Variants in USP34 observed in about 807,000 individuals in gnomAD.
The protein encoded by USP34 is ubiquitin specific peptidase 34.
USP34 carries 70 observed loss-of-function variants against 460.3 expected under a neutral mutation model. The observed-to-expected ratio is 0.15, with a 90% confidence interval of 0.13 to 0.19. The LOEUF is 0.19. USP34 is among the 10% of genes least tolerant of loss of function. The pLI, the probability that USP34 is intolerant of heterozygous loss-of-function variation, is 1.00. For synonymous variants in USP34, 1,647 were observed against 1,405.3 expected, an observed-to-expected ratio of 1.17 and a Z score of -3.85; for missense variants, 3,985 against 4,236.2, an observed-to-expected ratio of 0.94 and a Z score of 1.65.
chr2:61,242,085 A>G (rs912994082), intron 51 of USP34, among the ~76,000 whole-genome samples: 1 of 152,152 alleles, frequency 6.6e-6, no homozygotes, highest in South Asian at 2.1e-4. Flanking sequence ...TACTATAACA[A>G]AAGAAAACAA....
At chr2:61,432,888 C>A (rs1234060928) in intron 1 of USP34, among the ~76,000 whole-genome samples, 1 of 151,988 alleles carries the variant, frequency 6.6e-6, no homozygotes, top group African/African-American at 2.4e-5. Context: ...GACCACATAC[C>A]ACATAGCCAG....
intron 1 of USP34, among the ~76,000 whole-genome samples, chr2:61,425,871 C>G (rs1164995169): frequency 6.6e-6 from 1 of 151,932 alleles, no homozygotes; most frequent in Non-Finnish European, 1.5e-5. Context: ...AAGAAAGATG[C>G]CTTCCTTCTG....
intron 62 of USP34, among the ~76,000 whole-genome samples, chr2:61,225,307 T>G (rs996481571): frequency 6.6e-6 from 1 of 152,174 alleles, no homozygotes; most frequent in African/African-American, 2.4e-5. Context: ...ACATTAATAC[T>G]TTCAGAATAA....
intron 1 of USP34, among the ~76,000 whole-genome samples, chr2:61,437,043 G>T (rs905463795): frequency 6.6e-6 from 1 of 152,136 alleles, no homozygotes; most frequent in African/African-American, 2.4e-5. Flanking sequence ...CAGCAAAAGC[G>T]GTGCACTGCT....
chr2:61,389,606 A>T (rs1282416454), intron 5 of USP34, among the ~76,000 whole-genome samples: 3 of 152,212 alleles, frequency 2.0e-5, no homozygotes, highest in African/African-American at 7.2e-5. Flanking sequence ...ATTACATACT[A>T]TGCAACAGAG....
chr2:61,440,808 A>C (rs1348074128), intron 1 of USP34, among the ~76,000 whole-genome samples: 1 of 150,588 alleles, frequency 6.6e-6, no homozygotes, highest in Non-Finnish European at 1.5e-5. Context: ...GTAAGGCACC[A>C]CACCCGGCCT....
intron 34 of USP34, among the ~76,000 whole-genome samples, chr2:61,285,373 T>C (rs1165400141): frequency 1.3e-5 from 2 of 151,286 alleles, no homozygotes; most frequent in African/African-American, 4.9e-5. Flanking sequence ...TACAGTCCCA[T>C]CTACTTTGGA....
chr2:61,264,558 T>C lies in USP34; in HGVS notation c.5778+839A>G, dbSNP rs371258898. On this transcript the variant is annotated intron_variant, in intron 43 of 79. Coordinates refer to ENST00000398571, the MANE Select transcript of USP34 (RefSeq NM_014709.4). ...CAGGAGGCTGAGGTGGGAGGATCAC[T>C]TGAGCCCAGGAGGTCAACACTGCAG... Among the ~76,000 whole-genome samples, 20 of 152,262 alleles carry C rather than the reference T, an allele frequency of 1.3e-4. No homozygotes were observed. In the East Asian group the frequency reaches 2.5e-3, roughly 19 times the overall value.
At chr2:61,371,913 G>A (rs1036004636) in intron 8 of USP34, among the ~76,000 whole-genome samples, 2 of 152,110 alleles carry the variant, frequency 1.3e-5, no homozygotes, top group Non-Finnish European at 2.9e-5. Context: ...ATTAAGTACA[G>A]TAAGATGCTG....
intron 2 of USP34, among the ~76,000 whole-genome samples, chr2:61,410,703 C>T (rs2103947403): frequency 1.3e-5 from 2 of 152,172 alleles, no homozygotes; most frequent in South Asian, 2.1e-4. Flanking sequence ...TACAAATATA[C>T]TAAAGAACAC....
intron 40 of USP34, 29 bp from the exon 41 acceptor site, chr2:61,278,314 G>T (rs987261512): frequency 2.5e-6 from 4 of 1,610,964 alleles, no homozygotes; most frequent in Admixed American, 3.4e-5. Context: ...ATACACACAA[G>T]CAAGATAGTT....
intron 10 of USP34, among the ~76,000 whole-genome samples, chr2:61,365,256 TACACACACACACACACAC>T (rs34689463): frequency 3.5e-5 from 5 of 142,346 alleles, no homozygotes; most frequent in African/African-American, 5.3e-5. Context: ...CATTTCAAAA[TACACACACACACACACAC>T]ACACACACAC....
At position 61,311,671 on chromosome 2, in the gene USP34, T is replaced by A. The variant is rs953643335; in HGVS notation, c.3686A>T (p.Tyr1229Phe). ...GLPDKMTIEM[Y>F]PSDQVADLRA... ...AAGATCTGCTACCTGGTCACTAGGA[T>A]ACATTTCAATAGTCATCTGAAATAT... The change falls in exon 27 of 80, where the codon TAT becomes TTT. Residue 1229 changes from tyrosine (Y) to phenylalanine (F), a missense_variant. Tyr to Phe is a conservative substitution (Grantham distance 22). Coordinates refer to ENST00000398571, the MANE Select transcript of USP34 (RefSeq NM_014709.4). The A allele has an allele frequency of 5.0e-6, 8 of 1,612,056 alleles. No homozygotes were observed. The highest frequency in any genetic ancestry group is 6.8e-6 in the Non-Finnish European group (8 of 1,179,470).
At chr2:61,304,540 T>C (rs1690341820) in intron 27 of USP34, among the ~76,000 whole-genome samples, 1 of 152,192 alleles carries the variant, frequency 6.6e-6, no homozygotes, top group African/African-American at 2.4e-5. Flanking sequence ...CCTCCATCAA[T>C]GGGAGTGGTG....
intron 27 of USP34, 104 bp from the exon 28 acceptor site, chr2:61,301,558 T>A: frequency 2.0e-6 from 2 of 983,130 alleles, no homozygotes; most frequent in Non-Finnish European, 3.0e-6. Flanking sequence ...ATGTTAAGTT[T>A]AAATGTAATC....
intron 48 of USP34, among the ~76,000 whole-genome samples, chr2:61,251,608 T>G (rs72811478): frequency 0.062 from 9,366 of 152,280 alleles, 388 homozygotes; most frequent in Non-Finnish European, 0.084. Flanking sequence ...CTGCTCAGTA[T>G]CTTTTTACTC....
intron 1 of USP34, among the ~76,000 whole-genome samples, chr2:61,439,982 G>A (rs1694920075): frequency 6.6e-6 from 1 of 152,160 alleles, no homozygotes; most frequent in Non-Finnish European, 1.5e-5. Flanking sequence ...GCCTAGTGCA[G>A]GGACCACAGG....
At chr2:61,459,170 G>A (rs973193884) in intron 1 of USP34, among the ~76,000 whole-genome samples, 1 of 151,942 alleles carries the variant, frequency 6.6e-6, no homozygotes, top group Non-Finnish European at 1.5e-5. Flanking sequence ...CCACAGTCAG[G>A]GTCCTCTTAA....
chr2:61,389,282 T>C (rs1693269024), intron 5 of USP34, among the ~76,000 whole-genome samples: 1 of 152,196 alleles, frequency 6.6e-6, no homozygotes, highest in Non-Finnish European at 1.5e-5. Context: ...TAAACGAATA[T>C]TTGCTTTGAT....
Sources: allele counts gnomAD v4.1 joint callset (sites outside exome capture counted in the v4.1 genomes callset), GRCh38; gene constraint gnomAD v4.1.1; transcripts MANE v1.5; gene names NCBI Gene and HGNC (gene_info 2026-07-23, HGNC 2026-07-21).